ALG6: variants seen among roughly 807,000 people sequenced by gnomAD.
ALG6 encodes dolichyl pyrophosphate Man9GlcNAc2 alpha-1,3-glucosyltransferase.
ALG6 carries 46 observed loss-of-function variants against 66.6 expected under a neutral mutation model. The observed-to-expected ratio is 0.69, with a 90% CI of 0.55 to 0.88. ALG6 has a LOEUF of 0.88. ALG6 is among the 40% of genes least tolerant of loss of function. The probability of loss-of-function intolerance (pLI) is 0.00; values close to 1 mark genes in which losing one functional copy is unlikely to be tolerated. For synonymous variants in ALG6, 185 were observed against 203.7 expected, an observed-to-expected ratio of 0.91 and a Z score of 0.78; for missense variants, 505 against 586.8, an observed-to-expected ratio of 0.86 and a Z score of 1.44.
chr1:63,370,688 C>G, intron 1 of ALG6, 83 bp from the exon 2 acceptor site: 1 of 383,522 alleles, frequency 2.6e-6, no homozygotes, highest in East Asian at 5.6e-5. Context: ...CTCGAATTCT[C>G]TATCCTTCTA....
chr1:63,428,871 G>A (rs1212727499), intron 13 of ALG6, 57 bp from the exon 14 acceptor site: 21 of 1,586,102 alleles, frequency 1.3e-5, no homozygotes, highest in Non-Finnish European at 1.8e-5. Context: ...TTTTTATGAA[G>A]TGGTTATGGT....
In ALG6 at chr1:63,429,014, T is replaced by C. The variant is rs991816276; in HGVS notation, c.1214T>C (p.Phe405Ser). The change falls in exon 14 of 15, where the codon TTT becomes TCT. Residue 405 changes from phenylalanine to serine, a missense_variant. Phe to Ser is a radical substitution (Grantham distance 155, BLOSUM62 -2). Transcript: ENST00000263440. ...TTTTTTATAGCTTGTGTAACTTCCT[T>C]TTCAATATTTGAAAAGACTTCTGAA... ...MAFFIACVTS[F>S]SIFEKTSEEE... is the part of the protein sequence containing the mutation. 4 of 1,610,832 alleles carry C rather than the reference T, an allele frequency of 2.5e-6. No homozygotes were observed. The African/African-American group carries it at 5.3e-5, about 22-fold the overall frequency.
chr1:63,426,813 G>A (rs1330059158), intron 12 of ALG6, among the ~76,000 whole-genome samples: 1 of 152,150 alleles, frequency 6.6e-6, no homozygotes, highest in Admixed American at 6.5e-5. Flanking sequence ...AAAAGTGCCA[G>A]GATTACAGTT....
intron 10 of ALG6, 79 bp downstream of exon 10, chr1:63,414,225 C>A (rs985944062): frequency 3.7e-6 from 4 of 1,084,586 alleles, no homozygotes; most frequent in Non-Finnish European, 5.6e-6. Context: ...ATTTATTTGG[C>A]ATCATTAGGG....
intron 14 of ALG6, among the ~76,000 whole-genome samples, chr1:63,434,773 T>A (rs1339494116): frequency 6.6e-6 from 1 of 152,140 alleles, no homozygotes; most frequent in East Asian, 1.9e-4. Flanking sequence ...AGTCTTTACA[T>A]ATAGTTGGTA....
intron 12 of ALG6, among the ~76,000 whole-genome samples, chr1:63,420,041 C>T (rs1644565581): frequency 6.6e-6 from 1 of 152,158 alleles, no homozygotes; most frequent in African/African-American, 2.4e-5. Flanking sequence ...AGGTCAATCC[C>T]AACCCACTAC....
chr1:63,409,785 C>A (rs1045323916), intron 7 of ALG6, among the ~76,000 whole-genome samples: 5 of 152,100 alleles, frequency 3.3e-5, no homozygotes, highest in Admixed American at 1.3e-4. Flanking sequence ...CATTGGTCCA[C>A]TCTAGGATAA....
intron 2 of ALG6, among the ~76,000 whole-genome samples, chr1:63,383,082 G>A (rs1057047135): frequency 2.0e-5 from 3 of 151,944 alleles, no homozygotes; most frequent in Non-Finnish European, 2.9e-5. Flanking sequence ...CAAAGTGCAG[G>A]GATTACAGGC....
intron 11 of ALG6, among the ~76,000 whole-genome samples, chr1:63,417,370 C>A (rs957462064): frequency 6.6e-6 from 1 of 152,034 alleles, no homozygotes; most frequent in Non-Finnish European, 1.5e-5. Context: ...AAAACATTTT[C>A]TTTTTCTTAG....
Position 63,438,509 on chromosome 1 carries a change from T to C in ALG6, c.*1489T>C, listed in dbSNP as rs1027960857. ...AATAATTGGAGTAGCATAACTTTAT[T>C]ATTTGGAAATAAAAGTATTATGTAC... On this transcript the variant is annotated 3_prime_UTR_variant, in exon 15 of 15. Transcript: ENST00000263440. The C allele has an allele frequency of 6.6e-6, 1 of 152,208 alleles. No individual in the cohort carries two copies. Among genetic ancestry groups the C allele is most frequent in the Non-Finnish European group, 1.5e-5 (1 of 68,046 alleles). 9.4% of individuals were successfully genotyped at this position (152,208 alleles called of 1,614,324 possible).
chr1:63,393,244 C>T (rs571512503), intron 2 of ALG6, among the ~76,000 whole-genome samples: 2 of 152,308 alleles, frequency 1.3e-5, no homozygotes, highest in East Asian at 1.9e-4. Flanking sequence ...CCAAAGAATA[C>T]ACATGCAAAA....
chr1:63,409,678 T>A (rs554819734), intron 7 of ALG6, among the ~76,000 whole-genome samples: 1 of 152,218 alleles, frequency 6.6e-6, no homozygotes, highest in Non-Finnish European at 1.5e-5. Flanking sequence ...TCGATTCTTT[T>A]TCTGTCATAG....
intron 9 of ALG6, 60 bp downstream of exon 9, chr1:63,412,121 G>GT: frequency 6.2e-7 from 1 of 1,609,204 alleles, no homozygotes; most frequent in South Asian, 1.1e-5. Flanking sequence ...ACCTTTAGGG[G>GT]TTTCATGTAG....
intron 2 of ALG6, among the ~76,000 whole-genome samples, chr1:63,371,640 T>A (rs953751066): frequency 2.0e-5 from 3 of 152,006 alleles, no homozygotes; most frequent in Non-Finnish European, 4.4e-5. Flanking sequence ...AGCCTCGCTG[T>A]GTCGCCCAGG....
intron 2 of ALG6, among the ~76,000 whole-genome samples, chr1:63,375,281 G>A (rs578231168): frequency 8.0e-4 from 122 of 151,984 alleles, no homozygotes; most frequent in Non-Finnish European, 1.6e-3. Flanking sequence ...GTCTTGCTCT[G>A]TTGCCCAGGC....
At chr1:63,407,158 T>C (rs1248276343) in intron 7 of ALG6, 32 bp downstream of exon 7, 1 of 1,499,452 alleles carries the variant, frequency 6.7e-7, no homozygotes, top group Non-Finnish European at 9.3e-7. Flanking sequence ...ATGAAGTCAG[T>C]TGCATATTGT....
In ALG6 at chr1:63,369,629, C is replaced by T. The variant is rs533001367; in HGVS notation, c.-207-1142C>T. On this transcript the variant is annotated intron_variant, in intron 1 of 14. Coordinates refer to ENST00000263440, the MANE Select transcript of ALG6 (RefSeq NM_013339.4). Reference sequence around the variant, plus strand: ...GGGCAACAAGAGCAAAGCTCCATCTCAAAAAAAAAGAAAAAAAAACAAATA... The same window carrying T: ...GGGCAACAAGAGCAAAGCTCCATCTTAAAAAAAAAGAAAAAAAAACAAATA... 6.5e-4 allele frequency among the ~76,000 whole-genome samples: 91 copies of T among 139,806 alleles called. 1 individual carries two copies. The highest frequency in any genetic ancestry group is 2.3e-3 in the African/African-American group (86 of 37,998). 91.7% of individuals were successfully genotyped at this position (139,806 alleles called of 152,430 possible).
chr1:63,421,867 T>TG (rs1296322071), intron 12 of ALG6, among the ~76,000 whole-genome samples: 7 of 139,522 alleles, frequency 5.0e-5, no homozygotes, highest in Non-Finnish European at 7.7e-5. Flanking sequence ...ACTGGCCTGT[T>TG]GGGGGGTGGG....
At chr1:63,384,884 T>C (rs1391751681) in intron 2 of ALG6, among the ~76,000 whole-genome samples, 1 of 152,190 alleles carries the variant, frequency 6.6e-6, no homozygotes, top group Non-Finnish European at 1.5e-5. Flanking sequence ...TGTAGCTCTG[T>C]AGTAAAATTG....
Sources: allele counts gnomAD v4.1 joint callset (sites outside exome capture counted in the v4.1 genomes callset), GRCh38; gene constraint gnomAD v4.1.1; transcripts MANE v1.5; gene names NCBI Gene and HGNC (gene_info 2026-07-23, HGNC 2026-07-21).